The following ALK variants were observed in gnomAD, a reference collection of about 807,000 sequenced individuals.
ALK encodes the protein ALK tyrosine kinase receptor.
In ALK, 74 loss-of-function variants were observed where a neutral mutation model predicts 163.1. That is an observed-to-expected ratio of 0.45 (90% CI 0.38 to 0.55). ALK has a LOEUF of 0.55. Ranked by LOEUF, ALK falls within the 20% of genes least tolerant of loss-of-function variation. The pLI is 0.00. For synonymous variants in ALK, 960 were observed against 843.2 expected, an observed-to-expected ratio of 1.14 and a Z score of -2.40; for missense variants, 2,063 against 2,105.3, an observed-to-expected ratio of 0.98 and a Z score of 0.39.
chr2:29,651,244 T>G (rs934201226), intron 3 of ALK, among the ~76,000 whole-genome samples: 6 of 152,100 alleles, frequency 3.9e-5, no homozygotes, highest in African/African-American at 1.4e-4. Flanking sequence ...TTCAAGCTGG[T>G]TGGGAACGTG....
chr2:29,753,222 C>T (rs17008610), intron 1 of ALK, among the ~76,000 whole-genome samples: 1,860 of 152,264 alleles, frequency 0.012, 41 homozygotes, highest in African/African-American at 0.043. Flanking sequence ...TTGCCTGGAT[C>T]GAGAAAGTAA....
At chr2:29,881,255 T>C (rs546143279) in intron 1 of ALK, among the ~76,000 whole-genome samples, 16 of 152,356 alleles carry the variant, frequency 1.1e-4, no homozygotes, top group Admixed American at 1.0e-3. Context: ...AAGTGAACGC[T>C]GAAGGAAGCA....
At chr2:29,543,545 C>A (rs371668478) in intron 3 of ALK, among the ~76,000 whole-genome samples, 2 of 152,142 alleles carry the variant, frequency 1.3e-5, no homozygotes, top group South Asian at 4.1e-4. Flanking sequence ...TTTTCCTAGC[C>A]CTATGGTTAA....
intron 9 of ALK, among the ~76,000 whole-genome samples, chr2:29,285,097 G>A (rs553397227): frequency 5.9e-5 from 9 of 152,176 alleles, no homozygotes; most frequent in Non-Finnish European, 1.2e-4. Context: ...AGACAGCAGA[G>A]GAAGAAGGTT....
intron 5 of ALK, among the ~76,000 whole-genome samples, chr2:29,334,960 G>T (rs1207999023): frequency 6.6e-6 from 1 of 152,168 alleles, no homozygotes; most frequent in African/African-American, 2.4e-5. Flanking sequence ...TTAATCAAGG[G>T]CCTGAGTTCC....
intron 4 of ALK, among the ~76,000 whole-genome samples, chr2:29,405,309 A>T (rs1195479910): frequency 3.3e-5 from 5 of 152,216 alleles, no homozygotes; most frequent in African/African-American, 1.2e-4. Flanking sequence ...GCAGGTTTTC[A>T]ATACAACAGC....
chr2:29,371,978 C>T (rs1287991768), intron 5 of ALK, among the ~76,000 whole-genome samples: 3 of 152,136 alleles, frequency 2.0e-5, no homozygotes, highest in Admixed American at 6.5e-5. Flanking sequence ...GGAAGGTCTT[C>T]GATGCTTTAT....
At chr2:29,330,601 G>A (rs779617641) in intron 5 of ALK, among the ~76,000 whole-genome samples, 4 of 152,296 alleles carry the variant, frequency 2.6e-5, no homozygotes, top group African/African-American at 4.8e-5. Context: ...AGACACATCC[G>A]AATCCCTGGG....
intron 15 of ALK, 112 bp downstream of exon 15, chr2:29,232,192 C>G: frequency 6.9e-7 from 1 of 1,445,298 alleles, no homozygotes; most frequent in Non-Finnish European, 9.7e-7. Flanking sequence ...ATTCAGAGCT[C>G]CTAGCATCCC....
intron 3 of ALK, among the ~76,000 whole-genome samples, chr2:29,686,173 C>G (rs958595185): frequency 2.6e-5 from 4 of 152,206 alleles, no homozygotes; most frequent in Non-Finnish European, 5.9e-5. Flanking sequence ...TTTGCCAATA[C>G]TAGTTTTTAT....
intron 4 of ALK, among the ~76,000 whole-genome samples, chr2:29,394,272 GT>G (rs1369355018): frequency 2.7e-5 from 4 of 150,920 alleles, no homozygotes; most frequent in Non-Finnish European, 5.9e-5. Context: ...TGCATCAGTG[GT>G]TTTTTTCTTC....
intron 26 of ALK, among the ~76,000 whole-genome samples, chr2:29,203,560 C>T (rs1450546349): frequency 2.6e-5 from 3 of 117,166 alleles, no homozygotes; most frequent in African/African-American, 6.7e-5. Flanking sequence ...AATCTCAACT[C>T]ACTGCAACCT....
At chr2:29,492,491 A>C (rs1671925245) in intron 4 of ALK, among the ~76,000 whole-genome samples, 1 of 152,172 alleles carries the variant, frequency 6.6e-6, no homozygotes, top group Non-Finnish European at 1.5e-5. Flanking sequence ...CAGGGCCTAA[A>C]GGGTAGACTC....
intron 13 of ALK, among the ~76,000 whole-genome samples, chr2:29,236,555 C>T (rs1664388786): frequency 2.0e-5 from 3 of 152,154 alleles, no homozygotes; most frequent in Middle Eastern, 3.2e-3. Context: ...TCCCCCGCAC[C>T]CCTGCTTCTG....
intron 4 of ALK, among the ~76,000 whole-genome samples, chr2:29,475,928 G>A (rs909534431): frequency 5.9e-5 from 9 of 152,174 alleles, no homozygotes; most frequent in South Asian, 2.1e-4. Flanking sequence ...CGGTGACATC[G>A]AGTCTCACAA....
At chr2:29,477,525 G>A (rs1009829737) in intron 4 of ALK, among the ~76,000 whole-genome samples, 1 of 152,138 alleles carries the variant, frequency 6.6e-6, no homozygotes, top group Admixed American at 6.5e-5. Flanking sequence ...GGTTCAGAAT[G>A]TTTTATCAGA....
chr2:29,864,022 C>T (rs1252152703), intron 1 of ALK, among the ~76,000 whole-genome samples: 1 of 152,156 alleles, frequency 6.6e-6, no homozygotes, highest in Non-Finnish European at 1.5e-5. Flanking sequence ...AATGCTTTAT[C>T]TTATTTCATA....
At chr2:29,733,591 G>A (rs535850182) in intron 1 of ALK, among the ~76,000 whole-genome samples, 1 of 152,354 alleles carries the variant, frequency 6.6e-6, no homozygotes, top group East Asian at 1.9e-4. Flanking sequence ...CCATAAGAGA[G>A]TGCTTATGAA....
chr2:29,866,614 C>A (rs1279501646), intron 1 of ALK, among the ~76,000 whole-genome samples: 1 of 152,172 alleles, frequency 6.6e-6, no homozygotes, highest in Non-Finnish European at 1.5e-5. Flanking sequence ...TATATCAGCC[C>A]CAGGCTGATC....
Sources: allele counts gnomAD v4.1 joint callset (sites outside exome capture counted in the v4.1 genomes callset), GRCh38; gene constraint gnomAD v4.1.1; transcripts MANE v1.5; gene names NCBI Gene and HGNC (gene_info 2026-07-23, HGNC 2026-07-21).